Variants in JAZF1 observed in about 807,000 individuals in gnomAD.
The protein encoded by JAZF1 is JAZF zinc finger 1, also known as juxtaposed with another zinc finger protein 1.
Under a neutral mutation model 26.4 loss-of-function variants are expected in JAZF1, and 8 were observed. The ratio of observed to expected loss-of-function variants is 0.30; its 90% CI spans 0.18 to 0.55. The LOEUF is 0.55. JAZF1 is among the 20% of genes least tolerant of loss of function. The pLI, the probability that JAZF1 is intolerant of heterozygous loss-of-function variation, is 0.94. For synonymous variants in JAZF1, 126 were observed against 122.3 expected, an observed-to-expected ratio of 1.03 and a Z score of -0.20; for missense variants, 199 against 322.0, an observed-to-expected ratio of 0.62 and a Z score of 2.92.
At chr7:27,888,180 A>T (rs1421225327) in intron 3 of JAZF1, among the ~76,000 whole-genome samples, 1 of 152,202 alleles carries the variant, frequency 6.6e-6, no homozygotes, top group African/African-American at 2.4e-5. Context: ...TATCATGCAG[A>T]CATCCAACTC....
intron 2 of JAZF1, among the ~76,000 whole-genome samples, chr7:27,938,286 G>C (rs1261770520): frequency 6.6e-6 from 1 of 152,138 alleles, no homozygotes; most frequent in Non-Finnish European, 1.5e-5. Flanking sequence ...TTGTATCCAG[G>C]AGCATGGTTT....
intron 2 of JAZF1, among the ~76,000 whole-genome samples, chr7:27,924,920 T>C (rs545483498): frequency 2.6e-4 from 39 of 152,358 alleles, no homozygotes; most frequent in African/African-American, 8.9e-4. Flanking sequence ...GTGAACACAG[T>C]GCTTTACCAA....
chr7:27,948,566 C>T (rs1325703964), intron 2 of JAZF1, among the ~76,000 whole-genome samples: 1 of 152,130 alleles, frequency 6.6e-6, no homozygotes, highest in Admixed American at 6.5e-5. Flanking sequence ...ATTTGTACAC[C>T]CCTGTATTTT....
intron 3 of JAZF1, among the ~76,000 whole-genome samples, chr7:27,870,075 A>ATTTTTTTTTTTTTTTT (rs371770357): frequency 5.8e-5 from 7 of 120,664 alleles, no homozygotes; most frequent in African/African-American, 6.4e-5. Flanking sequence ...CACCCGGTTA[A>ATTTTTTTTTTTTTTTT]TTTTTTTTTT....
At chr7:27,835,038 A>G (rs1782778461) in intron 4 of JAZF1, among the ~76,000 whole-genome samples, 1 of 152,224 alleles carries the variant, frequency 6.6e-6, no homozygotes, top group Non-Finnish European at 1.5e-5. Context: ...AATATTGAGC[A>G]CCTAGCAGGG....
At chr7:27,875,791 A>T (rs1265639715) in intron 3 of JAZF1, among the ~76,000 whole-genome samples, 1 of 152,232 alleles carries the variant, frequency 6.6e-6, no homozygotes, top group East Asian at 1.9e-4. Context: ...TTAGGTACAC[A>T]GTAAGCACTC....
intron 1 of JAZF1, among the ~76,000 whole-genome samples, chr7:28,017,702 C>G (rs897011589): frequency 6.6e-6 from 1 of 152,178 alleles, no homozygotes; most frequent in Non-Finnish European, 1.5e-5. Context: ...GAAATCCTGC[C>G]CTCGTGATGT....
chr7:28,053,181 A>C (rs891510420), intron 1 of JAZF1, among the ~76,000 whole-genome samples: 2 of 152,152 alleles, frequency 1.3e-5, no homozygotes, highest in Admixed American at 6.5e-5. Flanking sequence ...ATGACATTCC[A>C]CTGTAATTAC....
intron 2 of JAZF1, among the ~76,000 whole-genome samples, chr7:27,911,870 C>CT (rs764633662): frequency 3.9e-5 from 6 of 152,116 alleles, no homozygotes; most frequent in Non-Finnish European, 7.3e-5. Context: ...GGAGGAGAGA[C>CT]TGAGTAATGG....
intron 1 of JAZF1, among the ~76,000 whole-genome samples, chr7:28,107,496 T>C (rs1784570845): frequency 6.6e-6 from 1 of 152,308 alleles, no homozygotes; most frequent in Non-Finnish European, 1.5e-5. Context: ...TTTCATGACA[T>C]ACAGCATGAA....
rs370697017 is a variant in JAZF1 at position 28,047,433 on chromosome 7, T to C, written c.116-55452A>G. On this transcript the variant is annotated intron_variant, in intron 1 of 4. Coordinates refer to ENST00000283928, the MANE Select transcript of JAZF1 (RefSeq NM_175061.4). Reference sequence around the variant, plus strand: ...GTTACATTAATTTGAAGAGAATTTATAATACTGAGCTCCTAGCCAGGAGTG... The same window carrying C: ...GTTACATTAATTTGAAGAGAATTTACAATACTGAGCTCCTAGCCAGGAGTG... Among the ~76,000 whole-genome samples, 5 of 152,300 alleles carry C rather than the reference T, an allele frequency of 3.3e-5. No individual in the cohort carries two copies. The East Asian group carries it at 5.8e-4, about 18-fold the overall frequency.
intron 4 of JAZF1, among the ~76,000 whole-genome samples, chr7:27,834,517 G>A (rs150976824): frequency 9.8e-5 from 15 of 152,342 alleles, no homozygotes; most frequent in African/African-American, 3.6e-4. Flanking sequence ...CCTCAGCCCT[G>A]TCCTTCCAGC....
At chr7:28,010,046 C>A (rs1429499475) in intron 1 of JAZF1, among the ~76,000 whole-genome samples, 1 of 152,154 alleles carries the variant, frequency 6.6e-6, no homozygotes, top group African/African-American at 2.4e-5. Flanking sequence ...TCTACATGCC[C>A]CCTACACTCC....
chr7:28,067,809 C>G (rs1384811312), intron 1 of JAZF1, among the ~76,000 whole-genome samples: 5 of 152,194 alleles, frequency 3.3e-5, no homozygotes, highest in Non-Finnish European at 5.9e-5. Flanking sequence ...ATGACTTTTG[C>G]TCACTTGCTA....
At chr7:27,896,122 ATTTG>A (rs1340508942) in intron 2 of JAZF1, among the ~76,000 whole-genome samples, 1 of 152,164 alleles carries the variant, frequency 6.6e-6, no homozygotes, top group Non-Finnish European at 1.5e-5. Flanking sequence ...ACCACTGATG[ATTTG>A]TTTATGTTCT....
In JAZF1 at chr7:28,086,795, A is replaced by G. The variant is rs1784218732; in HGVS notation, c.115+93668T>C. Reference sequence around the variant, plus strand: ...ACAAACTACCAACACTACATAAAAGAATTAATAAGTGTAAAGACTTAACAC... The same window carrying G: ...ACAAACTACCAACACTACATAAAAGGATTAATAAGTGTAAAGACTTAACAC... On this transcript the variant is annotated intron_variant, in intron 1 of 4. Coordinates refer to ENST00000283928, the MANE Select transcript of JAZF1 (RefSeq NM_175061.4). Among the ~76,000 whole-genome samples, 3 of 152,254 alleles carry G rather than the reference A, an allele frequency of 2.0e-5. No homozygotes were observed. In the South Asian group the frequency reaches 6.2e-4, roughly 31 times the overall value.
At chr7:28,035,697 T>C (rs1229741464) in intron 1 of JAZF1, among the ~76,000 whole-genome samples, 2 of 152,162 alleles carry the variant, frequency 1.3e-5, no homozygotes, top group East Asian at 1.9e-4. Context: ...ATTGTTAACA[T>C]GTACTCATTA....
intron 2 of JAZF1, among the ~76,000 whole-genome samples, chr7:27,925,490 T>C (rs1458305671): frequency 1.3e-5 from 2 of 152,190 alleles, no homozygotes; most frequent in Non-Finnish European, 2.9e-5. Context: ...GTGGCAGTCA[T>C]AGCTCATTGC....
intron 2 of JAZF1, among the ~76,000 whole-genome samples, chr7:27,940,194 T>C (rs922493998): frequency 6.6e-6 from 1 of 152,164 alleles, no homozygotes; most frequent in Non-Finnish European, 1.5e-5. Flanking sequence ...CAAAGGCCTC[T>C]TCATGTTTAG....
Sources: allele counts gnomAD v4.1 joint callset (sites outside exome capture counted in the v4.1 genomes callset), GRCh38; gene constraint gnomAD v4.1.1; transcripts MANE v1.5; gene names NCBI Gene and HGNC (gene_info 2026-07-23, HGNC 2026-07-21).